Variants in CHD6 observed in about 807,000 individuals in gnomAD.
CHD6 encodes the protein ATP-dependent chromatin remodeler CHD6.
CHD6 carries 50 observed loss-of-function variants against 276.9 expected under a neutral mutation model. The observed-to-expected ratio is 0.18, with a 90% CI of 0.14 to 0.23. The LOEUF (loss-of-function observed/expected upper bound fraction) is 0.23, where lower values mean the gene tolerates loss of function less well. Among genes scored for constraint, CHD6 ranks in the 10% least tolerant of loss-of-function variants. The pLI, the probability that CHD6 is intolerant of heterozygous loss-of-function variation, is 1.00. For missense variants in CHD6, 2,564 were observed against 3,365.8 expected, an observed-to-expected ratio of 0.76 and a Z score of 5.89; for synonymous variants, 1,173 against 1,229.3, an observed-to-expected ratio of 0.95 and a Z score of 0.96.
intron 5 of CHD6, among the ~76,000 whole-genome samples, chr20:41,503,703 A>C (rs2043894219): frequency 6.6e-6 from 1 of 152,130 alleles, no homozygotes; most frequent in Admixed American, 6.5e-5. Context: ...CCATCAGTTT[A>C]GGAATTTTTG....
intron 1 of CHD6, among the ~76,000 whole-genome samples, chr20:41,597,811 T>G (rs1283595474): frequency 6.6e-6 from 1 of 152,184 alleles, no homozygotes; most frequent in Non-Finnish European, 1.5e-5. Flanking sequence ...ATCATTACTT[T>G]TGATGCTTGT....
rs2046578270 is a variant in CHD6 at position 41,403,208 on chromosome 20, G to GA, written c.*1384dup. ...ACAGTAAATTGTGACAACAAAAAGT[G>GA]AAACTGGTACTAGTAACACTTGCAA... On this transcript the variant is annotated 3_prime_UTR_variant, in exon 37 of 37. Coordinates refer to ENST00000373233, the MANE Select transcript of CHD6 (RefSeq NM_032221.5). 1.0e-6 allele frequency: 1 copy of GA among 993,294 alleles called. No homozygotes were observed. Among genetic ancestry groups the GA allele is most frequent in the African/African-American group, 1.7e-5 (1 of 59,412 alleles). The allele number at this position is 993,294 out of a possible 1,614,324, so 61.5% of individuals were successfully genotyped here. A position where few individuals can be genotyped will look rare whatever the true frequency, so the allele number is the denominator to read the frequency against.
chr20:41,460,886 G>T lies in CHD6; in HGVS notation c.2665-3458C>A, dbSNP rs892295919. ...GATCCACTGACAGTTCGCACTGTGT[G>T]CCTGGAGAAGCCACAGACACTCAAT... On this transcript the variant is annotated intron_variant, in intron 17 of 36. Coordinates refer to ENST00000373233, the MANE Select transcript of CHD6 (RefSeq NM_032221.5). Among the ~76,000 whole-genome samples the T allele has an allele frequency of 4.6e-5, 7 of 152,298 alleles. No individual in the cohort carries two copies. The South Asian group carries it at 1.2e-3, about 27-fold the overall frequency.
chr20:41,506,425 T>C (rs2043977850), intron 5 of CHD6, among the ~76,000 whole-genome samples: 2 of 152,256 alleles, frequency 1.3e-5, no homozygotes, highest in South Asian at 2.1e-4. Context: ...GTATAGACTA[T>C]TCCCTCTGTC....
At chr20:41,544,476 G>C (rs1307733157) in intron 2 of CHD6, among the ~76,000 whole-genome samples, 3 of 151,994 alleles carry the variant, frequency 2.0e-5, no homozygotes, top group Non-Finnish European at 2.9e-5. Flanking sequence ...AAACTTACTA[G>C]ACTTACAGCT....
intron 18 of CHD6, among the ~76,000 whole-genome samples, chr20:41,456,582 AT>A (rs2048383906): frequency 6.6e-6 from 1 of 152,186 alleles, no homozygotes; most frequent in Admixed American, 6.5e-5. Context: ...AACTTGAAGT[AT>A]TATACTTAGC....
chr20:41,508,993 T>A (rs2044045391), intron 5 of CHD6, among the ~76,000 whole-genome samples: 3 of 152,206 alleles, frequency 2.0e-5, no homozygotes, highest in Admixed American at 6.5e-5. Context: ...ATTAGGTCTT[T>A]ATACTAGCTA....
intron 1 of CHD6, among the ~76,000 whole-genome samples, chr20:41,611,615 A>C (rs1350848812): frequency 6.6e-6 from 1 of 152,072 alleles, no homozygotes; most frequent in African/African-American, 2.4e-5. Context: ...AATGGGGCCC[A>C]AAAACTTGCA....
At chr20:41,466,305 A>C (rs2042919028) in intron 17 of CHD6, among the ~76,000 whole-genome samples, 1 of 152,218 alleles carries the variant, frequency 6.6e-6, no homozygotes. Context: ...GCTAGCATAC[A>C]GTACAAATTT....
At chr20:41,451,766 G>A (rs2048247297) in intron 22 of CHD6, 60 bp downstream of exon 22, 2 of 1,429,196 alleles carry the variant, frequency 1.4e-6, no homozygotes, top group African/African-American at 2.8e-5. Flanking sequence ...CCCCGCAGAG[G>A]AAGAGGGGAT....
intron 2 of CHD6, among the ~76,000 whole-genome samples, chr20:41,534,606 A>G (rs1027768079): frequency 6.6e-6 from 1 of 152,120 alleles, no homozygotes; most frequent in African/African-American, 2.4e-5. Context: ...TCTTTATCAT[A>G]TCAATACAGT....
rs539980827 is a variant in CHD6 at position 41,512,195 on chromosome 20, C to A, written c.852+651G>T. Among the ~76,000 whole-genome samples, 4 of 151,666 alleles carry A rather than the reference C, an allele frequency of 2.6e-5. No individual in the cohort carries two copies. In the South Asian group the frequency reaches 8.4e-4, roughly 32 times the overall value. Reference sequence around the variant, plus strand: ...GCCCATGTTGATCTCGAACTCCTGGCCTCAAGTGATCTGCCTGCCTCGGAC... The same window carrying A: ...GCCCATGTTGATCTCGAACTCCTGGACTCAAGTGATCTGCCTGCCTCGGAC... On this transcript the variant is annotated intron_variant, in intron 5 of 36. Transcript: ENST00000373233.
intron 1 of CHD6, among the ~76,000 whole-genome samples, chr20:41,556,142 C>T (rs917618481): frequency 6.6e-6 from 1 of 152,136 alleles, no homozygotes; most frequent in African/African-American, 2.4e-5. Context: ...ATCGCAGGCA[C>T]TCGGCAGGCT....
At chr20:41,526,551 T>C (rs2044541395) in intron 3 of CHD6, among the ~76,000 whole-genome samples, 2 of 152,078 alleles carry the variant, frequency 1.3e-5, no homozygotes, top group South Asian at 4.1e-4. Flanking sequence ...GCAGCTCAAA[T>C]GGTTATATAA....
chr20:41,471,253 G>A (rs1173280951), intron 17 of CHD6, among the ~76,000 whole-genome samples: 2 of 152,186 alleles, frequency 1.3e-5, no homozygotes, highest in African/African-American at 4.8e-5. Context: ...CAGGCCAAAA[G>A]GCAATCATTT....
chr20:41,549,039 T>C (rs1158682389), intron 2 of CHD6, among the ~76,000 whole-genome samples: 4 of 152,186 alleles, frequency 2.6e-5, no homozygotes, highest in South Asian at 4.1e-4. Flanking sequence ...TTTTACACCA[T>C]TGGTGGGACT....
intron 1 of CHD6, among the ~76,000 whole-genome samples, chr20:41,556,610 T>C (rs973139346): frequency 2.0e-5 from 3 of 152,130 alleles, no homozygotes; most frequent in African/African-American, 7.2e-5. Context: ...ATCTGAATGA[T>C]GGCGATGTTA....
intron 3 of CHD6, among the ~76,000 whole-genome samples, chr20:41,515,401 A>C (rs1259579538): frequency 6.6e-6 from 1 of 152,146 alleles, no homozygotes; most frequent in Non-Finnish European, 1.5e-5. Flanking sequence ...AATGAAGAGA[A>C]CACTGCCTCT....
chr20:41,600,014 C>T (rs1255370274), intron 1 of CHD6, among the ~76,000 whole-genome samples: 2 of 152,202 alleles, frequency 1.3e-5, no homozygotes, highest in Non-Finnish European at 2.9e-5. Flanking sequence ...CAGACAGGTG[C>T]AGGCAGCACC....
Sources: allele counts gnomAD v4.1 joint callset (sites outside exome capture counted in the v4.1 genomes callset), GRCh38; gene constraint gnomAD v4.1.1; transcripts MANE v1.5; gene names NCBI Gene and HGNC (gene_info 2026-07-23, HGNC 2026-07-21).